Variants in EXOC4 observed in about 807,000 individuals in gnomAD.
EXOC4 encodes the protein exocyst complex component 4, also known as SEC8-like 1.
In EXOC4, 71 loss-of-function variants were observed where a neutral mutation model predicts 107.2. That is an observed-to-expected ratio of 0.66 (90% CI 0.55 to 0.81). EXOC4 has a LOEUF of 0.81. EXOC4 is among the 30% of genes least tolerant of loss of function. The probability of loss-of-function intolerance (pLI) is 0.00; values close to 1 mark genes in which losing one functional copy is unlikely to be tolerated. For missense variants in EXOC4, 1,108 were observed against 1,189.6 expected (o/e 0.93, Z 1.01); for synonymous variants, 456 against 441.2 (o/e 1.03, Z -0.42).
chr7:133,359,565 C>T (rs1044871691), intron 6 of EXOC4, among the ~76,000 whole-genome samples: 1 of 152,054 alleles, frequency 6.6e-6, no homozygotes, highest in African/African-American at 2.4e-5. Context: ...AAATTTTCTC[C>T]CCCACCCTCC....
chr7:134,093,811 G>A, the EXOC4 span, among the ~76,000 whole-genome samples: 1 of 152,110 alleles, frequency 6.6e-6, no homozygotes, highest in South Asian at 2.1e-4. Flanking sequence ...TAAACAACTT[G>A]CTCCTGAATG....
intron 7 of EXOC4, among the ~76,000 whole-genome samples, chr7:133,474,158 ATCTT>A (rs998407445): frequency 2.0e-4 from 30 of 152,008 alleles, no homozygotes; most frequent in Middle Eastern, 3.4e-3. Flanking sequence ...CCTTCTTATT[ATCTT>A]TCTTTGTGGT....
At chr7:134,073,858 C>T in the EXOC4 span, among the ~76,000 whole-genome samples, 9 of 152,016 alleles carry the variant, frequency 5.9e-5, no homozygotes, top group South Asian at 2.1e-4. Context: ...GTGAGCACTA[C>T]GTCATCAGGG....
chr7:133,465,688 A>G (rs970320853), intron 7 of EXOC4, among the ~76,000 whole-genome samples: 1 of 152,204 alleles, frequency 6.6e-6, no homozygotes, highest in Admixed American at 6.5e-5. Flanking sequence ...CACATAAAGT[A>G]TATCCTCTGA....
chr7:133,460,542 A>C (rs2150823680), intron 7 of EXOC4, among the ~76,000 whole-genome samples: 1 of 152,334 alleles, frequency 6.6e-6, no homozygotes, highest in East Asian at 1.9e-4. Context: ...CATTCAGTAT[A>C]AGTAATGTAT....
intron 11 of EXOC4, among the ~76,000 whole-genome samples, chr7:133,885,947 G>C (rs911799840): frequency 6.6e-6 from 1 of 152,106 alleles, no homozygotes; most frequent in Admixed American, 6.5e-5. Flanking sequence ...AACTGAAGAG[G>C]CTTGGTGCTC....
chr7:134,100,873 G>A, the EXOC4 span, among the ~76,000 whole-genome samples: 1 of 128,766 alleles, frequency 7.8e-6, no homozygotes, highest in Admixed American at 8.7e-5. Flanking sequence ...GAGCCTGGGA[G>A]GTGGAGGTTG....
chr7:134,018,899 T>G (rs1794966630), intron 17 of EXOC4, among the ~76,000 whole-genome samples: 1 of 152,132 alleles, frequency 6.6e-6, no homozygotes. Context: ...GTTTGATATG[T>G]ATTACTTTCG....
chr7:133,304,922 C>G (rs1794718772), intron 3 of EXOC4, among the ~76,000 whole-genome samples: 1 of 152,184 alleles, frequency 6.6e-6, no homozygotes, highest in Admixed American at 6.5e-5. Flanking sequence ...TCCCTCTAAG[C>G]TCATCCTGTC....
intron 17 of EXOC4, among the ~76,000 whole-genome samples, chr7:134,028,230 T>C (rs1046406957): frequency 6.6e-6 from 1 of 152,214 alleles, no homozygotes; most frequent in African/African-American, 2.4e-5. Context: ...CAAAAATTAC[T>C]ATGTGATGAT....
chr7:133,951,683 G>T (rs987242518), intron 14 of EXOC4, among the ~76,000 whole-genome samples: 1 of 152,144 alleles, frequency 6.6e-6, no homozygotes, highest in Non-Finnish European at 1.5e-5. Context: ...TTTGAAATTA[G>T]ATTTTGAGCT....
At chr7:133,850,516 C>T (rs900712413) in intron 11 of EXOC4, among the ~76,000 whole-genome samples, 1 of 151,716 alleles carries the variant, frequency 6.6e-6, no homozygotes, top group Non-Finnish European at 1.5e-5. Context: ...TTTTTTTCCA[C>T]GAGAATGTCA....
intron 7 of EXOC4, among the ~76,000 whole-genome samples, chr7:133,377,254 T>C (rs1023323626): frequency 6.6e-6 from 1 of 152,074 alleles, no homozygotes; most frequent in African/African-American, 2.4e-5. Flanking sequence ...CTCAGGAAGC[T>C]GAGGCAGCAG....
chr7:133,548,466 A>G (rs138871980), intron 9 of EXOC4, among the ~76,000 whole-genome samples: 6 of 152,308 alleles, frequency 3.9e-5, no homozygotes, highest in Non-Finnish European at 5.9e-5. Context: ...AGCTCTGAAA[A>G]GTTCTAGATG....
At chr7:133,999,654 C>T (rs921309946) in intron 15 of EXOC4, among the ~76,000 whole-genome samples, 3 of 152,032 alleles carry the variant, frequency 2.0e-5, no homozygotes, top group Admixed American at 6.5e-5. Context: ...ATTCTAATGC[C>T]GCTGTTACCT....
intron 14 of EXOC4, among the ~76,000 whole-genome samples, chr7:133,969,532 C>T (rs1015318048): frequency 4.6e-5 from 7 of 152,064 alleles, no homozygotes; most frequent in African/African-American, 1.4e-4. Context: ...TCTGTGTGGA[C>T]GTCCTTTTTA....
At chr7:133,728,122 C>T (rs1795253855) in intron 10 of EXOC4, among the ~76,000 whole-genome samples, 1 of 152,164 alleles carries the variant, frequency 6.6e-6, no homozygotes. Context: ...TGAAAACCAG[C>T]AACAGCCGAA....
intron 11 of EXOC4, among the ~76,000 whole-genome samples, chr7:133,871,019 T>C (rs746146540): frequency 9.2e-5 from 14 of 152,232 alleles, no homozygotes; most frequent in Admixed American, 2.0e-4. Context: ...TTCTGAAATT[T>C]TGTGAGCTGG....
At chr7:133,741,100 T>C (rs1420968) in intron 10 of EXOC4, among the ~76,000 whole-genome samples, 150,389 of 152,318 alleles carry the variant, frequency 0.99, 74,281 homozygotes, top group Middle Eastern at 1. Flanking sequence ...TTATCGCATG[T>C]GTAGAAAGTT....
Sources: allele counts gnomAD v4.1 joint callset (sites outside exome capture counted in the v4.1 genomes callset), GRCh38; gene constraint gnomAD v4.1.1; transcripts MANE v1.5; gene names NCBI Gene and HGNC (gene_info 2026-07-23, HGNC 2026-07-21).